Variants in PTPRD observed in about 807,000 individuals in gnomAD.
PTPRD encodes receptor-type tyrosine-protein phosphatase delta.
In PTPRD, 34 loss-of-function variants were observed where a neutral mutation model predicts 214.5. The observed-to-expected ratio is 0.16, with a 90% CI of 0.12 to 0.21. The LOEUF (loss-of-function observed/expected upper bound fraction) is 0.21, where lower values mean the gene tolerates loss of function less well. PTPRD is among the 10% of genes least tolerant of loss of function. The pLI is 1.00. For synonymous variants in PTPRD, 1,128 were observed against 845.7 expected, an observed-to-expected ratio of 1.33 and a Z score of -5.79; for missense variants, 2,545 against 2,398.7, an observed-to-expected ratio of 1.06 and a Z score of -1.27.
At chr9:8,318,233 C>T (rs1321880412) in intron 45 of PTPRD, among the ~76,000 whole-genome samples, 1 of 151,954 alleles carries the variant, frequency 6.6e-6, no homozygotes, top group East Asian at 1.9e-4. Context: ...CAAGTAGTAT[C>T]AAACCATTAC....
intron 12 of PTPRD, among the ~76,000 whole-genome samples, chr9:8,654,336 T>C (rs1029354188): frequency 2.0e-5 from 3 of 152,180 alleles, no homozygotes; most frequent in African/African-American, 7.2e-5. Context: ...CTTCTCTCTC[T>C]TCTGCTAGAC....
At chr9:8,414,354 T>C (rs576741286) in intron 35 of PTPRD, among the ~76,000 whole-genome samples, 2 of 152,342 alleles carry the variant, frequency 1.3e-5, no homozygotes, top group South Asian at 2.1e-4. Flanking sequence ...TTTACATATG[T>C]ACTTAATATT....
At chr9:9,246,238 T>C (rs2099973017) in intron 9 of PTPRD, among the ~76,000 whole-genome samples, 1 of 152,082 alleles carries the variant, frequency 6.6e-6, no homozygotes, top group Admixed American at 6.6e-5. Context: ...ATGTTTTTAG[T>C]GTCCTCCGAT....
chr9:10,188,977 G>C (rs1234649677), intron 3 of PTPRD, among the ~76,000 whole-genome samples: 1 of 152,116 alleles, frequency 6.6e-6, no homozygotes, highest in Non-Finnish European at 1.5e-5. Flanking sequence ...ACTGTGGCTA[G>C]GTAGTCTTAC....
intron 5 of PTPRD, among the ~76,000 whole-genome samples, chr9:9,839,924 A>C (rs1279051729): frequency 6.6e-6 from 1 of 152,208 alleles, no homozygotes; most frequent in Non-Finnish European, 1.5e-5. Context: ...AAACACACAC[A>C]CACACAAGTT....
intron 3 of PTPRD, among the ~76,000 whole-genome samples, chr9:10,259,004 CTTTTG>C (rs1454942343): frequency 3.3e-5 from 5 of 151,872 alleles, no homozygotes; most frequent in African/African-American, 7.2e-5. Flanking sequence ...TTGTTTGTTT[CTTTTG>C]TTTTGTTTTG....
intron 10 of PTPRD, among the ~76,000 whole-genome samples, chr9:9,074,904 G>C (rs1203023867): frequency 6.7e-6 from 1 of 148,740 alleles, no homozygotes; most frequent in Non-Finnish European, 1.5e-5. Context: ...AGGTATTTTG[G>C]GCAAAAAAAA....
chr9:8,884,947 G>C (rs1405221257), intron 11 of PTPRD, among the ~76,000 whole-genome samples: 1 of 152,144 alleles, frequency 6.6e-6, no homozygotes, highest in Non-Finnish European at 1.5e-5. Flanking sequence ...CTGGATTCCA[G>C]TGAGGATGAT....
At chr9:8,733,169 T>C (rs1327031694) in intron 12 of PTPRD, among the ~76,000 whole-genome samples, 1 of 152,202 alleles carries the variant, frequency 6.6e-6, no homozygotes, top group Admixed American at 6.5e-5. Flanking sequence ...GTTTCATAAA[T>C]TGAGTCCAGT....
chr9:9,958,577 A>T (rs1405302248), intron 4 of PTPRD, among the ~76,000 whole-genome samples: 1 of 152,138 alleles, frequency 6.6e-6, no homozygotes, highest in African/African-American at 2.4e-5. Flanking sequence ...CAAAAGACTT[A>T]TGCTGTGTAA....
intron 11 of PTPRD, among the ~76,000 whole-genome samples, chr9:8,743,636 A>C (rs1205355783): frequency 1.3e-5 from 2 of 152,132 alleles, no homozygotes; most frequent in East Asian, 3.9e-4. Context: ...TATGACCCAA[A>C]ACCGTAACAA....
intron 8 of PTPRD, among the ~76,000 whole-genome samples, chr9:9,489,185 A>T (rs1408661173): frequency 6.6e-6 from 1 of 152,158 alleles, no homozygotes; most frequent in Non-Finnish European, 1.5e-5. Context: ...TAGGCGCAGA[A>T]AAAATCTGGA....
chr9:8,899,809 C>T (rs1243192917), intron 11 of PTPRD, among the ~76,000 whole-genome samples: 1 of 152,146 alleles, frequency 6.6e-6, no homozygotes, highest in East Asian at 1.9e-4. Flanking sequence ...TGGCAGTCGG[C>T]ATGTTGCCTT....
At chr9:9,014,015 A>G (rs1053992105) in intron 11 of PTPRD, among the ~76,000 whole-genome samples, 6 of 137,848 alleles carry the variant, frequency 4.4e-5, no homozygotes, top group African/African-American at 1.6e-4. Context: ...ATTTTTGTCT[A>G]CTTGATATCT....
chr9:8,344,845 G>T (rs569230678), intron 39 of PTPRD, among the ~76,000 whole-genome samples: 1 of 151,678 alleles, frequency 6.6e-6, no homozygotes, highest in Non-Finnish European at 1.5e-5. Context: ...TCTTATTAAC[G>T]TTAATTTTCT....
chr9:8,468,760 T>C (rs1254498203), intron 31 of PTPRD, among the ~76,000 whole-genome samples: 1 of 133,614 alleles, frequency 7.5e-6, no homozygotes, highest in Admixed American at 8.3e-5. Flanking sequence ...TATCAAGCTA[T>C]AGATAAAATT....
At chr9:8,861,962 C>T (rs1030796417) in intron 11 of PTPRD, 1 of 152,160 alleles carries the variant, frequency 6.6e-6, no homozygotes, top group African/African-American at 2.4e-5. Flanking sequence ...ATATTCACTT[C>T]TACGTGTGTT....
chr9:8,914,100 C>G (rs1375329794), intron 11 of PTPRD, among the ~76,000 whole-genome samples: 1 of 152,060 alleles, frequency 6.6e-6, no homozygotes, highest in Non-Finnish European at 1.5e-5. Context: ...AGAAAAGAAG[C>G]ATGATTCATG....
chr9:9,121,801 G>A (rs2154464392), intron 10 of PTPRD, among the ~76,000 whole-genome samples: 1 of 152,108 alleles, frequency 6.6e-6, no homozygotes, highest in East Asian at 1.9e-4. Flanking sequence ...AATACCACCT[G>A]TATCCCAATA....
Sources: gnomAD v4.1 joint callset for allele counts (sites outside exome capture counted in the v4.1 genomes callset) on GRCh38, gnomAD v4.1.1 for gene constraint, MANE v1.5 for transcripts, NCBI Gene and HGNC (gene_info 2026-07-23, HGNC 2026-07-21) for gene names.